TCF3: variants seen among roughly 807,000 people sequenced by gnomAD.
TCF3 encodes the protein transcription factor 3.
A neutral mutation model predicts 72.3 loss-of-function variants in TCF3; 54 were observed. The observed-to-expected ratio is 0.75, with a 90% CI of 0.60 to 0.94. The LOEUF (loss-of-function observed/expected upper bound fraction) is 0.94. Ranked by LOEUF, TCF3 falls within the 40% of genes least tolerant of loss-of-function variation. The pLI is 0.00. For missense variants in TCF3, 1,078 were observed against 934.4 expected, an observed-to-expected ratio of 1.15 and a Z score of -2.00; for synonymous variants, 525 against 412.6, an observed-to-expected ratio of 1.27 and a Z score of -3.30.
chr19:1,614,500 C>T lies in TCF3; in HGVS notation c.1822+785G>A, dbSNP rs926062032. Among the ~76,000 whole-genome samples the T allele has an allele frequency of 3.3e-5, 5 of 152,128 alleles. No homozygotes were observed. The highest frequency in any genetic ancestry group is 3.9e-4 in the East Asian group (2 of 5,154). ...GGGCGGAAGGCAGACAGCAGAGAGG[C>T]GGGCTTGGGGGGCGCGAGGCGTGCC... On this transcript the variant is annotated intron_variant, in intron 18 of 18. Coordinates refer to ENST00000262965, the MANE Select transcript of TCF3 (RefSeq NM_003200.5). This position sits in a 1 kb window ranked among gnomAD's most constrained non-coding sequence, Gnocchi z 5.6.
Position 1,627,443 on chromosome 19 carries a change from A to G in TCF3, c.299-17T>C. On this transcript the variant is annotated splice_polypyrimidine_tract_variant and intron_variant, in intron 5 of 18. Transcript: ENST00000262965. ...CGCTCTTGCCTGCAAGGGGAGAAGG[A>G]AGGTTAGTGGGAGGCGACCCCAAGG... 1 of 1,611,350 alleles carries G rather than the reference A, an allele frequency of 6.2e-7. No homozygotes were observed. Among genetic ancestry groups the G allele is most frequent in the South Asian group, 1.1e-5 (1 of 90,648 alleles).
chr19:1,631,709 A>G (rs1161158109), intron 5 of TCF3, among the ~76,000 whole-genome samples: 1 of 152,116 alleles, frequency 6.6e-6, no homozygotes, highest in Non-Finnish European at 1.5e-5. Flanking sequence ...CCTCCTTCCC[A>G]GCGGGCACAG....
intron 3 of TCF3, among the ~76,000 whole-genome samples, chr19:1,637,798 A>G (rs946103673): frequency 2.0e-5 from 3 of 152,004 alleles, no homozygotes. Context: ...AGTACCAGCT[A>G]CTCGGGAGGC....
chr19:1,619,132 G>T lies in TCF3; in HGVS notation c.1429C>A (p.Arg477=). 2 of 1,599,814 alleles carry T rather than the reference G, an allele frequency of 1.3e-6. No individual in the cohort carries two copies. Among genetic ancestry groups the T allele is most frequent in the Non-Finnish European group, 8.5e-7 (1 of 1,179,752 alleles). The part of the protein sequence containing the change: ...SQPGTLPDLS[R]PPDSYSGLGR... ...TTACCACTGTAGGAGTCGGGAGGCC[G>T]AGACAGGTCAGGGAGGGTGCCTGGC... The change falls in exon 16 of 19, where the codon CGG becomes AGG. Residue 477 remains arginine, a synonymous_variant. Coordinates refer to ENST00000262965, the MANE Select transcript of TCF3 (RefSeq NM_003200.5).
intron 7 of TCF3, among the ~76,000 whole-genome samples, chr19:1,624,536 G>C (rs2062648288): frequency 6.6e-6 from 1 of 152,208 alleles, no homozygotes; most frequent in Non-Finnish European, 1.5e-5. Flanking sequence ...CTAAGCCAAG[G>C]CTCTGCTGAG....
At chr19:1,620,111 G>A (rs2054177436) in intron 13 of TCF3, among the ~76,000 whole-genome samples, 1 of 152,154 alleles carries the variant, frequency 6.6e-6, no homozygotes, top group Non-Finnish European at 1.5e-5. Context: ...CCCACTCAGA[G>A]GATAAAGTGG....
chr19:1,646,790 T>C (rs2066175017), intron 2 of TCF3, among the ~76,000 whole-genome samples: 1 of 152,192 alleles, frequency 6.6e-6, no homozygotes, highest in Admixed American at 6.5e-5. Flanking sequence ...CTCTTGACAG[T>C]GATACAAAGT....
chr19:1,624,903 T>A (rs2062698038), intron 7 of TCF3, among the ~76,000 whole-genome samples: 1 of 152,212 alleles, frequency 6.6e-6, no homozygotes, highest in South Asian at 2.1e-4. Context: ...TGGAGTACAA[T>A]GGTGCGATCG....
chr19:1,611,596 C>A lies in TCF3; in HGVS notation c.*111G>T. ...CAGGTTGGTGTTGGCTCGATGCTGA[C>A]AACAGGTGTGTGAGGTGTGGATGTG... On this transcript the variant is annotated 3_prime_UTR_variant, in exon 19 of 19. Coordinates refer to ENST00000262965, the MANE Select transcript of TCF3 (RefSeq NM_003200.5). 7.0e-7 allele frequency: 1 copy of A among 1,431,612 alleles called. No homozygotes were observed. Among genetic ancestry groups the A allele is most frequent in the Admixed American group, 2.4e-5 (1 of 41,144 alleles). The allele number at this position is 1,431,612 out of a possible 1,614,324, so 88.7% of individuals were successfully genotyped here.
rs115288361 is a variant in TCF3, at chr19:1,617,374, G to A, written c.1451-1553C>T. Among the ~76,000 whole-genome samples, 931 of 152,308 alleles carry A rather than the reference G, an allele frequency of 6.1e-3. 13 individuals are homozygous for A. Among genetic ancestry groups the A allele is most frequent in the African/African-American group, 0.021 (869 of 41,558 alleles). The stretch of plus-strand genomic sequence containing the variant: ...ACACAACATAAGCCAGCAAACCAGC[G>A]TGTAAAGAACACGCTAGTGGGACGC... On this transcript the variant is annotated intron_variant, in intron 16 of 18. Transcript: ENST00000262965.
rs543977847 is a variant in TCF3 at position 1,620,705 on chromosome 19, G to A, written c.1093+263C>T. Among the ~76,000 whole-genome samples, 5 of 152,274 alleles carry A rather than the reference G, an allele frequency of 3.3e-5. No homozygotes were observed. In the East Asian group the frequency reaches 7.7e-4, roughly 24 times the overall value. On this transcript the variant is annotated intron_variant, in intron 13 of 18. Coordinates refer to ENST00000262965, the MANE Select transcript of TCF3 (RefSeq NM_003200.5). ...ATAGCCTTGGAGGGCTGGCTTGGAG[G>A]CTGCCTCCACTAGGCAGCTTTCCTG...
rs2061382342 is a variant in TCF3 at position 1,614,743 on chromosome 19, C to G, written c.1822+542G>C. Among the ~76,000 whole-genome samples, 1 of 152,054 alleles carries G rather than the reference C, an allele frequency of 6.6e-6. No individual in the cohort carries two copies. Among genetic ancestry groups the G allele is most frequent in the Non-Finnish European group, 1.5e-5 (1 of 67,994 alleles). On this transcript the variant is annotated intron_variant, in intron 18 of 18. Transcript: ENST00000262965. The surrounding 1 kb of genome is among the most constrained non-coding windows in gnomAD (Gnocchi z 5.6). Reference sequence around the variant, plus strand: ...GGTGGGGACAGGGTCTGTCTGTATCCTTCCTCCCCCTGGCCCTGGGAAATG... The same window carrying G: ...GGTGGGGACAGGGTCTGTCTGTATCGTTCCTCCCCCTGGCCCTGGGAAATG...
intron 2 of TCF3, among the ~76,000 whole-genome samples, chr19:1,649,357 G>C (rs1461761973): frequency 6.6e-6 from 1 of 152,218 alleles, no homozygotes; most frequent in African/African-American, 2.4e-5. Context: ...TCCCGTATGG[G>C]GCAGGTTGTG....
chr19:1,631,697 C>T (rs1001383992), intron 5 of TCF3, among the ~76,000 whole-genome samples: 21 of 152,334 alleles, frequency 1.4e-4, no homozygotes, highest in African/African-American at 3.1e-4. Context: ...AGAACTCCTA[C>T]GCCTCCTTCC....
intron 2 of TCF3, among the ~76,000 whole-genome samples, chr19:1,649,058 CCGTT>C (rs532618964): frequency 5.5e-4 from 84 of 152,370 alleles, no homozygotes; most frequent in African/African-American, 1.8e-3. Flanking sequence ...CTCTGAGCCT[CCGTT>C]CACCCAGGTG....
chr19:1,638,319 C>G (rs2064747583), intron 3 of TCF3, among the ~76,000 whole-genome samples: 1 of 152,176 alleles, frequency 6.6e-6, no homozygotes, highest in Admixed American at 6.5e-5. Context: ...CAAATGTTTC[C>G]TAGTAAGATG....
At chr19:1,638,621 C>T (rs530636414) in intron 3 of TCF3, among the ~76,000 whole-genome samples, 1 of 152,340 alleles carries the variant, frequency 6.6e-6, no homozygotes, top group African/African-American at 2.4e-5. Flanking sequence ...CACCTTCTCA[C>T]AGAAGGGGGC....
rs1348547101 is a variant in TCF3 at position 1,615,605 on chromosome 19, T to G, written c.1586+81A>C. 2 of 1,597,556 alleles carry G rather than the reference T, an allele frequency of 1.3e-6. No homozygotes were observed. The highest frequency in any genetic ancestry group is 1.7e-6 in the Non-Finnish European group (2 of 1,175,080). ...GGGGCCCGCCGACGGCCTCCCAGTG[T>G]GGGTGCGGTGTGCGTGTGGCCTGTG... On this transcript the variant is annotated intron_variant, in intron 17 of 18. Coordinates refer to ENST00000262965, the MANE Select transcript of TCF3 (RefSeq NM_003200.5). The surrounding 1 kb of genome is among the most constrained non-coding windows in gnomAD (Gnocchi z 7.3).
chr19:1,635,955 C>T (rs907148205), intron 3 of TCF3, among the ~76,000 whole-genome samples: 4 of 152,176 alleles, frequency 2.6e-5, no homozygotes, highest in East Asian at 1.9e-4. Flanking sequence ...GCCCGTGCCT[C>T]GCCCCGTCTC....
Sources: allele counts gnomAD v4.1 joint callset (sites outside exome capture counted in the v4.1 genomes callset), GRCh38; gene constraint gnomAD v4.1.1; non-coding constraint Gnocchi (gnomAD v3.1); transcripts MANE v1.5; gene names NCBI Gene and HGNC (gene_info 2026-07-23, HGNC 2026-07-21).